BIRC6: variants seen among roughly 807,000 people sequenced by gnomAD.
BIRC6 encodes baculoviral IAP repeat containing 6.
A neutral mutation model predicts 503.3 loss-of-function variants in BIRC6; 98 were observed. The observed-to-expected ratio is 0.19, with a 90% CI of 0.17 to 0.23. BIRC6 has a LOEUF of 0.23. Ranked by LOEUF, BIRC6 falls within the 10% of genes least tolerant of loss-of-function variation. The pLI is 1.00. For missense variants in BIRC6, 5,360 were observed against 5,806.0 expected (o/e 0.92, Z 2.50); for synonymous variants, 2,240 against 2,078.7 (o/e 1.08, Z -2.11).
At chr2:32,390,200 T>A (rs1330948124) in intron 4 of BIRC6, among the ~76,000 whole-genome samples, 1 of 151,276 alleles carries the variant, frequency 6.6e-6, no homozygotes. Context: ...AGATGGAGTC[T>A]CGCTCTGTTG....
chr2:32,478,614 A>G (rs1434719065), intron 35 of BIRC6, 21 bp from the exon 36 acceptor site: 2 of 1,590,642 alleles, frequency 1.3e-6, no homozygotes, highest in African/African-American at 2.7e-5. Context: ...TAAGTGTATG[A>G]TTTTATAAAA....
At chr2:32,404,573 A>G (rs965414973) in intron 8 of BIRC6, among the ~76,000 whole-genome samples, 3 of 152,002 alleles carry the variant, frequency 2.0e-5, no homozygotes, top group African/African-American at 7.2e-5. Context: ...TTCAGCCTCC[A>G]AAAGTGCTGG....
At chr2:32,612,914 G>A (rs1350891235) in intron 73 of BIRC6, among the ~76,000 whole-genome samples, 1 of 152,162 alleles carries the variant, frequency 6.6e-6, no homozygotes. Context: ...TTCACCGTCA[G>A]ACTATAGCAG....
At chr2:32,493,427 G>A (rs1046381134) in intron 44 of BIRC6, 113 bp from the exon 45 acceptor site, 30 of 948,278 alleles carry the variant, frequency 3.2e-5, no homozygotes, top group Middle Eastern at 2.7e-4. Context: ...TGTTTTCCTC[G>A]TACGAAAAGT....
Position 32,595,056 on chromosome 2 carries a change from C to A in BIRC6, c.13524C>A (p.Ser4508=), listed in dbSNP as rs1397668553. The A allele has an allele frequency of 6.3e-7, 1 of 1,599,050 alleles. No homozygotes were observed. The highest frequency in any genetic ancestry group is 1.1e-5 in the South Asian group (1 of 87,076). ...CAGAAAAAAAACTGGGTGAATACTC[C>A]AAGAAGGCGGCTATGAAACCCAAAC... ...ANQEKKLGEY[S]KKAAMKPKPL... Residue 4508 remains serine (S), a synonymous_variant, in exon 68 of 74, where the codon TCC becomes TCA. Transcript: ENST00000421745.
intron 1 of BIRC6, among the ~76,000 whole-genome samples, chr2:32,369,940 AAAAAAATATATATATATATATATAT>A (rs1167761136): frequency 2.0e-5 from 1 of 50,208 alleles, no homozygotes; most frequent in African/African-American, 1.1e-4. Flanking sequence ...AAAAAAAAAA[AAAAAAATATATATATATATATATAT>A]ATATATATAT....
intron 1 of BIRC6, among the ~76,000 whole-genome samples, chr2:32,360,083 T>G (rs1004820280): frequency 6.6e-6 from 1 of 152,190 alleles, no homozygotes; most frequent in African/African-American, 2.4e-5. Context: ...ATAATCCCTC[T>G]TTCCCGTTTA....
intron 20 of BIRC6, among the ~76,000 whole-genome samples, chr2:32,444,115 A>C (rs926520781): frequency 6.6e-6 from 1 of 151,852 alleles, no homozygotes; most frequent in Non-Finnish European, 1.5e-5. Flanking sequence ...AGAGAGTAGA[A>C]TGATGGATAC....
chr2:32,415,229 T>C lies in BIRC6; in HGVS notation c.1938T>C (p.Phe646=). Residue 646 remains phenylalanine, a synonymous_variant, in exon 10 of 74, where the codon TTT becomes TTC. Coordinates refer to ENST00000421745, the MANE Select transcript of BIRC6 (RefSeq NM_016252.4). ...KESDEKAGKI[F]SQMNNIMSKS... is the part of the protein sequence containing the mutation. ...CTGATGAGAAAGCAGGAAAGATCTT[T>C]TCACAGATGAACAATATTATGAGTA... 5.0e-6 allele frequency: 8 copies of C among 1,614,018 alleles called. No individual in the cohort carries two copies. Among genetic ancestry groups the C allele is most frequent in the Non-Finnish European group, 6.8e-6 (8 of 1,179,874 alleles).
intron 68 of BIRC6, among the ~76,000 whole-genome samples, chr2:32,597,457 C>T (rs1384362404): frequency 6.6e-6 from 1 of 152,004 alleles, no homozygotes; most frequent in Admixed American, 6.6e-5. Flanking sequence ...TAAAATTTTC[C>T]CACTGGGCAT....
intron 22 of BIRC6, among the ~76,000 whole-genome samples, chr2:32,449,896 A>C (rs556427868): frequency 6.6e-6 from 1 of 152,296 alleles, no homozygotes; most frequent in South Asian, 2.1e-4. Flanking sequence ...TGCCTTGAAT[A>C]TATGTGTTAT....
intron 24 of BIRC6, 120 bp downstream of exon 24, chr2:32,463,501 G>C (rs1309078020): frequency 3.1e-5 from 30 of 972,208 alleles, no homozygotes; most frequent in Non-Finnish European, 2.8e-6. Context: ...GAGCTAATCA[G>C]TTTCAACAAA....
chr2:32,471,241 T>A (rs770498764), intron 32 of BIRC6, 117 bp downstream of exon 32: 36 of 1,311,938 alleles, frequency 2.7e-5, no homozygotes, highest in Non-Finnish European at 3.4e-5. Flanking sequence ...AGCTACCAGC[T>A]GTATGTAATT....
At chr2:32,372,790 A>G (rs2036169912) in intron 1 of BIRC6, among the ~76,000 whole-genome samples, 1 of 152,178 alleles carries the variant, frequency 6.6e-6, no homozygotes, top group African/African-American at 2.4e-5. Flanking sequence ...TGATTTCGCC[A>G]CTATATTCCA....
rs1160191668 is a variant in BIRC6, at chr2:32,467,907, C to T, written c.5576C>T (p.Thr1859Ile). 1 of 1,611,108 alleles carries T rather than the reference C, an allele frequency of 6.2e-7. No individual in the cohort carries two copies. Among genetic ancestry groups the T allele is most frequent in the Admixed American group, 1.7e-5 (1 of 59,748 alleles). Residue 1859 changes from threonine to isoleucine, a missense_variant, in exon 28 of 74, where the codon ACT (threonine) becomes ATT (isoleucine). Thr to Ile is a moderately conservative substitution (Grantham distance 89). Coordinates refer to ENST00000421745, the MANE Select transcript of BIRC6 (RefSeq NM_016252.4). ...PPPVCRFMKI[T>I]VIGRYGSTNA... ...ATTTATAATTTTTCATTTCAGATCA[C>T]TGTTATTGGACGTTACGGGAGTACA...
At chr2:32,432,213 T>A (rs993398209) in intron 12 of BIRC6, among the ~76,000 whole-genome samples, 1 of 151,992 alleles carries the variant, frequency 6.6e-6, no homozygotes, top group African/African-American at 2.4e-5. Flanking sequence ...GCCAGGAGTT[T>A]AAGACCAGCC....
chr2:32,414,751 T>C lies in BIRC6; in HGVS notation c.1478-18T>C. Reference sequence around the variant, plus strand: ...GATGAGTAGAAACATATCTAATGAATATTGTTCCTTTTTAAAGGGCATACA... The same window carrying C: ...GATGAGTAGAAACATATCTAATGAACATTGTTCCTTTTTAAAGGGCATACA... On this transcript the variant is annotated intron_variant, in intron 9 of 73. Coordinates refer to ENST00000421745, the MANE Select transcript of BIRC6 (RefSeq NM_016252.4). 1.3e-6 allele frequency: 2 copies of C among 1,592,258 alleles called. No homozygotes were observed. The highest frequency in any genetic ancestry group is 1.7e-6 in the Non-Finnish European group (2 of 1,164,928).
intron 53 of BIRC6, among the ~76,000 whole-genome samples, chr2:32,512,042 T>G (rs1489229007): frequency 1.3e-5 from 2 of 152,210 alleles, no homozygotes; most frequent in Non-Finnish European, 2.9e-5. Flanking sequence ...AAATTAAGCT[T>G]AATTCATTTT....
intron 39 of BIRC6, among the ~76,000 whole-genome samples, chr2:32,483,252 G>A (rs1387525000): frequency 6.6e-6 from 1 of 152,010 alleles, no homozygotes; most frequent in Non-Finnish European, 1.5e-5. Context: ...TAGAATATAT[G>A]AGATGTGTTT....
Sources: allele counts gnomAD v4.1 joint callset (sites outside exome capture counted in the v4.1 genomes callset), GRCh38; gene constraint gnomAD v4.1.1; transcripts MANE v1.5; gene names NCBI Gene and HGNC (gene_info 2026-07-23, HGNC 2026-07-21).